RBPMS: variants seen among roughly 807,000 people sequenced by gnomAD.
RBPMS encodes RNA-binding protein with multiple splicing.
Under a neutral mutation model 26.8 loss-of-function variants are expected in RBPMS, and 7 were observed. The ratio of observed to expected loss-of-function variants is 0.26; its 90% CI spans 0.15 to 0.49. The LOEUF is 0.49. RBPMS is among the 20% of genes least tolerant of loss of function. RBPMS has a pLI of 0.98. For missense variants in RBPMS, 186 were observed against 250.0 expected (o/e 0.74, Z 1.73); for synonymous variants, 96 against 93.3 (o/e 1.03, Z -0.17).
At chr8:30,506,533 A>G (rs1821086916) in intron 5 of RBPMS, among the ~76,000 whole-genome samples, 3 of 152,016 alleles carry the variant, frequency 2.0e-5, no homozygotes, top group Admixed American at 2.0e-4. Context: ...GTCACATACA[A>G]CTTGCTTACC....
chr8:30,531,778 CTT>C (rs1416202306), intron 5 of RBPMS, among the ~76,000 whole-genome samples: 1 of 152,210 alleles, frequency 6.6e-6, no homozygotes, highest in Non-Finnish European at 1.5e-5. Flanking sequence ...GTGGTTAAAT[CTT>C]TGTGATTTTT....
intron 1 of RBPMS, among the ~76,000 whole-genome samples, chr8:30,455,340 C>G (rs1815074499): frequency 6.6e-6 from 1 of 151,904 alleles, no homozygotes; most frequent in South Asian, 2.1e-4. Flanking sequence ...ATCTCTGATT[C>G]AAAGTTATAG....
rs56327512 is a variant in RBPMS, at chr8:30,517,189, C to CGTGTGTGTGT, written c.397+12793_397+12802dup. 4.3e-3 allele frequency among the ~76,000 whole-genome samples: 569 copies of CGTGTGTGTGT among 132,536 alleles called. 1 individual carries two copies. The highest frequency in any genetic ancestry group is 9.7e-3 in the African/African-American group (336 of 34,770). The allele number at this position is 132,536 out of a possible 152,430, so 86.9% of individuals were successfully genotyped here. On this transcript the variant is annotated intron_variant, in intron 5 of 8. Coordinates refer to ENST00000397323, the MANE Select transcript of RBPMS (RefSeq NM_001008710.3). Reference sequence around the variant, plus strand: ...TCAATAGATATATAGGCCAAGACCCCGTGTGTGTGTGTGTGTGTGTGTGTG... The same window carrying CGTGTGTGTGT: ...TCAATAGATATATAGGCCAAGACCCCGTGTGTGTGTGTGTGTGTGTGTGTGTGTGTGTGTG...
chr8:30,442,371 GT>G (rs1813188624), intron 1 of RBPMS, among the ~76,000 whole-genome samples: 1 of 152,058 alleles, frequency 6.6e-6, no homozygotes, highest in Non-Finnish European at 1.5e-5. Context: ...TTGGCCCTTC[GT>G]TTTGTTGCAC....
intron 5 of RBPMS, among the ~76,000 whole-genome samples, chr8:30,536,389 A>T (rs1824802577): frequency 6.6e-6 from 1 of 152,138 alleles, no homozygotes; most frequent in African/African-American, 2.4e-5. Context: ...GGCCTCCCAA[A>T]GTGCTGGGAC....
intron 2 of RBPMS, among the ~76,000 whole-genome samples, chr8:30,475,695 CG>C (rs758195339): frequency 1.3e-5 from 2 of 152,058 alleles, no homozygotes; most frequent in Non-Finnish European, 2.9e-5. Context: ...CTTAGGAAGA[CG>C]GAATTGGATA....
chr8:30,558,507 A>T (rs892699601), intron 6 of RBPMS: 1 of 340,656 alleles, frequency 2.9e-6, no homozygotes, highest in African/African-American at 2.1e-5. Flanking sequence ...ATGTTTCCAC[A>T]CTCTGCTTAG....
At chr8:30,445,760 T>C (rs1813690020) in intron 1 of RBPMS, among the ~76,000 whole-genome samples, 2 of 151,162 alleles carry the variant, frequency 1.3e-5, no homozygotes, top group South Asian at 4.2e-4. Flanking sequence ...CTCGACCAAC[T>C]GGGCTCCAGC....
intron 5 of RBPMS, among the ~76,000 whole-genome samples, chr8:30,516,903 T>TACACACACACACACACAC (rs139256402): frequency 0.04 from 5,951 of 147,078 alleles, 160 homozygotes; most frequent in East Asian, 0.1. Flanking sequence ...CATCTCTAAA[T>TACACACACACACACACAC]ACACACACAC....
intron 7 of RBPMS, among the ~76,000 whole-genome samples, chr8:30,563,613 G>C (rs946782411): frequency 6.6e-6 from 1 of 152,192 alleles, no homozygotes; most frequent in South Asian, 2.1e-4. Flanking sequence ...ATTGGAGAAG[G>C]AAATGCAAGA....
intron 1 of RBPMS, among the ~76,000 whole-genome samples, chr8:30,389,685 A>G (rs935596885): frequency 1.3e-5 from 2 of 152,066 alleles, no homozygotes; most frequent in East Asian, 1.9e-4. Context: ...GAGGCACTCT[A>G]TCTAACATGG....
intron 1 of RBPMS, among the ~76,000 whole-genome samples, chr8:30,443,048 G>A (rs2150714302): frequency 6.6e-6 from 1 of 152,284 alleles, no homozygotes; most frequent in African/African-American, 2.4e-5. Flanking sequence ...ATGAAAGCAC[G>A]TGCTTAAGTA....
chr8:30,527,180 A>G (rs1823681407), intron 5 of RBPMS, among the ~76,000 whole-genome samples: 1 of 152,184 alleles, frequency 6.6e-6, no homozygotes, highest in African/African-American at 2.4e-5. Flanking sequence ...CTTTCTGGCA[A>G]AACCTTGAAG....
intron 6 of RBPMS, among the ~76,000 whole-genome samples, chr8:30,551,662 G>A (rs560575580): frequency 1.3e-5 from 2 of 152,286 alleles, no homozygotes; most frequent in African/African-American, 4.8e-5. Flanking sequence ...ACCTGGAAGT[G>A]CCGTCTGCGC....
At chr8:30,523,376 C>CAA (rs755294763) in intron 5 of RBPMS, among the ~76,000 whole-genome samples, 4 of 104,868 alleles carry the variant, frequency 3.8e-5, no homozygotes, top group African/African-American at 7.2e-5. Flanking sequence ...AACTGTGTCT[C>CAA]AAAAAAAAAA....
At position 30,426,177 on chromosome 8, in the gene RBPMS, A is replaced by G. The variant is rs541081593; in HGVS notation, c.66+41019A>G. On this transcript the variant is annotated intron_variant, in intron 1 of 8. Coordinates refer to ENST00000397323, the MANE Select transcript of RBPMS (RefSeq NM_001008710.3). ...TGCTGGAGATGCTGGCTCAATGTTC[A>G]TGTCCCACCAGGGGCCAAATTGCCC... Among the ~76,000 whole-genome samples the G allele has an allele frequency of 2.1e-4, 32 of 152,302 alleles. No individual in the cohort carries two copies. The East Asian group carries it at 2.3e-3, about 11-fold the overall frequency.
In RBPMS at chr8:30,438,276, T is replaced by C. The variant is rs114297278; in HGVS notation, c.67-36503T>C. On this transcript the variant is annotated intron_variant, in intron 1 of 8. Transcript: ENST00000397323. ...TTGTGTTGGCCTTTTACTTTCCATG[T>C]TTTAGGTTAGTCATTACTTTTATCA... 7.9e-3 allele frequency among the ~76,000 whole-genome samples: 1,197 copies of C among 152,288 alleles called. 18 individuals carry two copies. Among genetic ancestry groups the C allele is most frequent in the African/African-American group, 0.027 (1,107 of 41,564 alleles).
intron 1 of RBPMS, among the ~76,000 whole-genome samples, chr8:30,450,265 A>G (rs1385663219): frequency 1.3e-5 from 2 of 152,188 alleles, no homozygotes; most frequent in East Asian, 3.8e-4. Context: ...GAGGTAGACT[A>G]TTTAATCATT....
rs577619520 is a variant in RBPMS at position 30,502,932 on chromosome 8, T to C, written c.247-1354T>C. Among the ~76,000 whole-genome samples the C allele has an allele frequency of 4.2e-5, 6 of 143,584 alleles. No homozygotes were observed. In the South Asian group the frequency reaches 1.3e-3, roughly 31 times the overall value. 94.2% of individuals were successfully genotyped at this position (143,584 alleles called of 152,430 possible). Reference sequence around the variant, plus strand: ...TTCTTATGTTTCACAGAACAGGCACTATCTGTTCGCTTTTTGGTGTTGATT... The same window carrying C: ...TTCTTATGTTTCACAGAACAGGCACCATCTGTTCGCTTTTTGGTGTTGATT... On this transcript the variant is annotated intron_variant, in intron 4 of 8. Transcript: ENST00000397323.
Sources: gnomAD v4.1 joint callset for allele counts (sites outside exome capture counted in the v4.1 genomes callset) on GRCh38, gnomAD v4.1.1 for gene constraint, MANE v1.5 for transcripts, NCBI Gene and HGNC (gene_info 2026-07-23, HGNC 2026-07-21) for gene names.